Variants in MAPKAP1 observed in about 807,000 individuals in gnomAD.
MAPKAP1 encodes the protein MAPK associated protein 1, also known as target of rapamycin complex 2 subunit MAPKAP1.
Under a neutral mutation model 65.7 loss-of-function variants are expected in MAPKAP1, and 20 were observed. The observed-to-expected ratio is 0.30, with a 90% CI of 0.21 to 0.44. MAPKAP1 has a LOEUF of 0.44. MAPKAP1 is among the 20% of genes least tolerant of loss of function. The pLI, the probability that MAPKAP1 is intolerant of heterozygous loss-of-function variation, is 1.00. For synonymous variants in MAPKAP1, 222 were observed against 244.3 expected (o/e 0.91, Z 0.85); for missense variants, 423 against 648.0 (o/e 0.65, Z 3.77).
intron 4 of MAPKAP1, among the ~76,000 whole-genome samples, chr9:125,652,827 A>T (rs1295189481): frequency 6.6e-6 from 1 of 151,926 alleles, no homozygotes; most frequent in Non-Finnish European, 1.5e-5. Context: ...AAGGACCAAA[A>T]CCCCACTGGA....
chr9:125,529,030 CGGGCGTGGTGGTGTGCACCT>C (rs1564544054), intron 7 of MAPKAP1, among the ~76,000 whole-genome samples: 1 of 149,640 alleles, frequency 6.7e-6, no homozygotes, highest in African/African-American at 2.5e-5. Flanking sequence ...AAAAATTAGC[CGGGCGTGGTGGTGTGCACCT>C]GTAATCCCAG....
intron 1 of MAPKAP1, among the ~76,000 whole-genome samples, chr9:125,673,261 G>A (rs545027909): frequency 5.9e-5 from 9 of 152,184 alleles, no homozygotes; most frequent in East Asian, 3.9e-4. Context: ...AGGGTATCGC[G>A]CTTGTTGCCC....
chr9:125,618,448 A>T (rs1278927883), intron 4 of MAPKAP1, among the ~76,000 whole-genome samples: 1 of 151,992 alleles, frequency 6.6e-6, no homozygotes, highest in Non-Finnish European at 1.5e-5. Context: ...AAAGCAGGAA[A>T]ATAAAATCTC....
intron 7 of MAPKAP1, among the ~76,000 whole-genome samples, chr9:125,536,394 A>G (rs541632408): frequency 1.8e-4 from 28 of 152,314 alleles, no homozygotes; most frequent in Non-Finnish European, 1.9e-4. Context: ...TAAACACTTT[A>G]GCAGCCCTAA....
chr9:125,555,741 G>A (rs1460515170), intron 6 of MAPKAP1, among the ~76,000 whole-genome samples: 7 of 152,204 alleles, frequency 4.6e-5, no homozygotes, highest in Non-Finnish European at 1.0e-4. Flanking sequence ...GAAGTTAATG[G>A]TCTTGCTACT....
At chr9:125,535,509 T>C (rs149532380) in intron 7 of MAPKAP1, among the ~76,000 whole-genome samples, 25 of 152,276 alleles carry the variant, frequency 1.6e-4, no homozygotes, top group Non-Finnish European at 2.6e-4. Context: ...ACAGATGAAC[T>C]AAACAGGGCA....
At chr9:125,583,600 T>C (rs558141986) in intron 5 of MAPKAP1, among the ~76,000 whole-genome samples, 1 of 152,358 alleles carries the variant, frequency 6.6e-6, no homozygotes, top group East Asian at 1.9e-4. Context: ...GTTTTAATAC[T>C]AATACTACCA....
At chr9:125,453,643 T>C (rs1853047733) in intron 10 of MAPKAP1, among the ~76,000 whole-genome samples, 1 of 152,274 alleles carries the variant, frequency 6.6e-6, no homozygotes, top group Non-Finnish European at 1.5e-5. Context: ...CTTTTTTGTA[T>C]TCTGTTACAT....
chr9:125,673,440 G>C (rs930983294), intron 1 of MAPKAP1, among the ~76,000 whole-genome samples: 3 of 152,120 alleles, frequency 2.0e-5, no homozygotes, highest in African/African-American at 7.2e-5. Context: ...TGGTCAGGCT[G>C]GTCTCAAACT....
chr9:125,502,158 G>A (rs760993992), intron 8 of MAPKAP1, among the ~76,000 whole-genome samples: 1 of 151,246 alleles, frequency 6.6e-6, no homozygotes, highest in Non-Finnish European at 1.5e-5. Context: ...CTGGAGTGTA[G>A]TGGCATGATC....
chr9:125,549,789 T>C (rs530466075), intron 6 of MAPKAP1, among the ~76,000 whole-genome samples: 1 of 152,180 alleles, frequency 6.6e-6, no homozygotes, highest in Non-Finnish European at 1.5e-5. Flanking sequence ...CTCTTTGAGA[T>C]GCCAGTAAGA....
chr9:125,587,427 G>C (rs1033163287), intron 4 of MAPKAP1, among the ~76,000 whole-genome samples: 2 of 152,126 alleles, frequency 1.3e-5, no homozygotes, highest in African/African-American at 4.8e-5. Flanking sequence ...TCAGCTGGGC[G>C]TGATGGCAGG....
chr9:125,541,780 G>A (rs1397674240), intron 7 of MAPKAP1, among the ~76,000 whole-genome samples: 1 of 152,238 alleles, frequency 6.6e-6, no homozygotes, highest in African/African-American at 2.4e-5. Flanking sequence ...GATGGATAAA[G>A]ACTTCTCATG....
intron 3 of MAPKAP1, among the ~76,000 whole-genome samples, chr9:125,658,745 C>A (rs889862149): frequency 5.3e-5 from 8 of 152,174 alleles, no homozygotes; most frequent in Admixed American, 2.0e-4. Flanking sequence ...TCATTTAATT[C>A]TCTAAATCAA....
intron 1 of MAPKAP1, among the ~76,000 whole-genome samples, chr9:125,680,773 G>A (rs779943847): frequency 8.5e-5 from 13 of 152,182 alleles, no homozygotes; most frequent in Non-Finnish European, 1.6e-4. Context: ...AACTTCAGCA[G>A]AGGAGCTGTG....
chr9:125,575,346 A>G (rs1023486941), intron 5 of MAPKAP1, among the ~76,000 whole-genome samples: 1 of 152,194 alleles, frequency 6.6e-6, no homozygotes, highest in Non-Finnish European at 1.5e-5. Context: ...TGAGCAACAG[A>G]GTCTTAAAAT....
intron 9 of MAPKAP1, among the ~76,000 whole-genome samples, chr9:125,470,786 T>C (rs1374115515): frequency 6.6e-6 from 1 of 152,236 alleles, no homozygotes; most frequent in Non-Finnish European, 1.5e-5. Context: ...TGGGATATCA[T>C]TTAGACGGTG....
chr9:125,692,153 C>T (rs959698535), intron 1 of MAPKAP1, among the ~76,000 whole-genome samples: 6 of 152,186 alleles, frequency 3.9e-5, no homozygotes, highest in African/African-American at 1.2e-4. Flanking sequence ...CCCAGCAACT[C>T]CACTCCTAGG....
At chr9:125,551,179 CCCT>C (rs1234820828) in intron 6 of MAPKAP1, among the ~76,000 whole-genome samples, 1 of 152,018 alleles carries the variant, frequency 6.6e-6, no homozygotes, top group African/African-American at 2.4e-5. Flanking sequence ...ATTCTCCCTG[CCCT>C]CCTCTTTTTT....
Sources: gnomAD v4.1 joint callset for allele counts (sites outside exome capture counted in the v4.1 genomes callset) on GRCh38, gnomAD v4.1.1 for gene constraint, MANE v1.5 for transcripts, NCBI Gene and HGNC (gene_info 2026-07-23, HGNC 2026-07-21) for gene names.